Variants in ADAMTS9 observed in about 807,000 individuals in gnomAD.
The protein encoded by ADAMTS9 is A disintegrin and metalloproteinase with thrombospondin motifs 9.
Under a neutral mutation model 257.1 loss-of-function variants are expected in ADAMTS9, and 107 were observed. The ratio of observed to expected loss-of-function variants is 0.42; its 90% CI spans 0.36 to 0.49. The LOEUF is 0.49. ADAMTS9 is among the 20% of genes least tolerant of loss of function. The pLI, the probability that ADAMTS9 is intolerant of heterozygous loss-of-function variation, is 0.03. For missense variants in ADAMTS9, 2,353 were observed against 2,469.1 expected (o/e 0.95, Z 1.00); for synonymous variants, 982 against 880.9 (o/e 1.11, Z -2.03).
At chr3:64,633,425 G>A (rs1700416734) in intron 14 of ADAMTS9, 47 bp downstream of exon 14, 1 of 1,607,730 alleles carries the variant, frequency 6.2e-7, no homozygotes, top group Admixed American at 1.7e-5. Flanking sequence ...CAAATCACAG[G>A]TTGGCAGCGG....
chr3:64,596,748 C>T (rs1161692038), intron 27 of ADAMTS9, 82 bp downstream of exon 27: 1 of 1,541,904 alleles, frequency 6.5e-7, no homozygotes, highest in Non-Finnish European at 8.8e-7. Flanking sequence ...TAGTTCTTCT[C>T]CTTGAAAATA....
chr3:64,601,866 A>G (rs1293758215), intron 26 of ADAMTS9, 78 bp downstream of exon 26: 11 of 1,485,416 alleles, frequency 7.4e-6, no homozygotes, highest in Non-Finnish European at 9.0e-6. Flanking sequence ...AATATGCTCT[A>G]AAGGTGTTTC....
chr3:64,579,153 T>G (rs113109965), intron 28 of ADAMTS9, among the ~76,000 whole-genome samples: 8 of 152,316 alleles, frequency 5.3e-5, no homozygotes, highest in African/African-American at 1.7e-4. Context: ...TCCCTCAGTT[T>G]CATCTGTAAT....
intron 11 of ADAMTS9, among the ~76,000 whole-genome samples, chr3:64,647,614 A>G (rs1278490402): frequency 6.6e-6 from 1 of 152,222 alleles, no homozygotes; most frequent in Admixed American, 6.5e-5. Flanking sequence ...AAAGAGAAGA[A>G]AAAGAAACAC....
chr3:64,552,825 G>A, intron 30 of ADAMTS9, among the ~76,000 whole-genome samples: 1 of 152,100 alleles, frequency 6.6e-6, no homozygotes, highest in East Asian at 1.9e-4. Context: ...CCAAAGTTCT[G>A]GGATTACAGG....
chr3:64,656,637 G>A (rs7646362), intron 4 of ADAMTS9, among the ~76,000 whole-genome samples: 36,566 of 151,986 alleles, frequency 0.24, 4,714 homozygotes, highest in Non-Finnish European at 0.29. Context: ...ATTCTTAGGA[G>A]AGAACTGAAA....
intron 35 of ADAMTS9, 24 bp from the exon 36 acceptor site, chr3:64,541,252 G>A (rs775039020): frequency 2.5e-6 from 4 of 1,614,082 alleles, no homozygotes; most frequent in Non-Finnish European, 3.4e-6. Flanking sequence ...AGAATGTTCT[G>A]GTAAGGATGG....
At chr3:64,682,335 C>G (rs1055544175) in intron 2 of ADAMTS9, among the ~76,000 whole-genome samples, 2 of 152,178 alleles carry the variant, frequency 1.3e-5, no homozygotes, top group East Asian at 3.9e-4. Context: ...AACTCGTGAA[C>G]GGTTTTTGGT....
rs575152092 is a variant in ADAMTS9, at chr3:64,601,736, A to G, written c.4017+208T>C. On this transcript the variant is annotated intron_variant, in intron 26 of 39. Transcript: ENST00000498707. Reference sequence around the variant, plus strand: ...CCATGATATCCCCTTTCTCCACCCAATCGAGACAGCTTATAGGTGGACGCA... The same window carrying G: ...CCATGATATCCCCTTTCTCCACCCAGTCGAGACAGCTTATAGGTGGACGCA... Among the ~76,000 whole-genome samples, 3 of 152,186 alleles carry G rather than the reference A, an allele frequency of 2.0e-5. No individual in the cohort carries two copies. In the South Asian group the frequency reaches 6.2e-4, roughly 32 times the overall value.
rs553764371 is a variant in ADAMTS9, at chr3:64,645,353, T to C, written c.1710+2587A>G. Among the ~76,000 whole-genome samples, 19 of 152,292 alleles carry C rather than the reference T, an allele frequency of 1.2e-4. 1 individual carries two copies. In the South Asian group the frequency reaches 3.7e-3, roughly 30 times the overall value. ...ACAAATAAGTTTAAAAGGAAAATGC[T>C]AATGGACTTAAGAGAGTGGAGAAAA... On this transcript the variant is annotated intron_variant, in intron 11 of 39. Coordinates refer to ENST00000498707, the MANE Select transcript of ADAMTS9 (RefSeq NM_182920.2).
At position 64,602,196 on chromosome 3, in the gene ADAMTS9, C is replaced by A. The variant is rs2084476168; in HGVS notation, c.3765G>T (p.Gly1255=). The A allele has an allele frequency of 1.9e-6, 3 of 1,613,802 alleles. No individual in the cohort carries two copies. The highest frequency in any genetic ancestry group is 2.5e-6 in the Non-Finnish European group (3 of 1,179,952). The change falls in exon 26 of 40, where the codon GGG becomes GGT. Residue 1255 remains glycine (G), a synonymous_variant. Transcript: ENST00000498707. ...TCACTTGCCGGGTTGCCCTACCTTG[C>A]CCACAGGTCACAGAGCACTAGGTTG... ...LDWSSCSVTC[G]QGRATRQVMC...
Position 64,541,590 on chromosome 3 carries a change from T to C in ADAMTS9, c.5228A>G (p.Lys1743Arg), listed in dbSNP as rs1241489495. 6.2e-7 allele frequency: 1 copy of C among 1,614,108 alleles called. No individual in the cohort carries two copies. Among genetic ancestry groups the C allele is most frequent in the Non-Finnish European group, 8.5e-7 (1 of 1,180,004 alleles). Residue 1743 changes from lysine (K) to arginine (R), a missense_variant, in exon 34 of 40, where the codon AAA becomes AGA. Physicochemically the swap from Lys to Arg is conservative, Grantham distance 26 (BLOSUM62 2). Around this residue, in one of 3 missense-constraint regions of ADAMTS9, gnomAD observed 1,402 missense variants for 1,441.4 expected, o/e 0.97. Transcript: ENST00000498707. ...ATCTTCACTGGCACCTTTAAGTCTT[T>C]TTACCTCCTTGCAATTCTGGGGTAA... ...CELPQNCKEV[K>R]RLKGASEDGE... is the part of the protein sequence containing the mutation.
Position 64,546,901 on chromosome 3 carries a change from C to T in ADAMTS9, c.4921G>A (p.Glu1641Lys), listed in dbSNP as rs1032015412. 6.2e-7 allele frequency: 1 copy of T among 1,613,904 alleles called. No homozygotes were observed. Residue 1641 changes from glutamate to lysine, a missense_variant, in exon 32 of 40, where the codon GAG becomes AAG. By Grantham distance (56) the Glu-to-Lys change is moderately conservative. This residue lies in a region of ADAMTS9 where 1,402 missense variants were observed against 1,441.4 expected (regional missense o/e 0.97). Coordinates refer to ENST00000498707, the MANE Select transcript of ADAMTS9 (RefSeq NM_182920.2). ...TAATTCTCCTTCCCGGTGTAAATCT[C>T]GCTGCACGAGACAAGCCTTTGTTTG... ...GYKQRLVSCS[E>K]IYTGKENYEY...
intron 27 of ADAMTS9, among the ~76,000 whole-genome samples, chr3:64,595,026 A>T (rs1476343257): frequency 1.3e-5 from 2 of 152,134 alleles, no homozygotes; most frequent in Admixed American, 1.3e-4. Context: ...TGAGCTCATG[A>T]TCCTCCCACC....
intron 27 of ADAMTS9, among the ~76,000 whole-genome samples, chr3:64,595,715 G>A (rs1336043168): frequency 6.6e-6 from 1 of 152,294 alleles, no homozygotes; most frequent in Non-Finnish European, 1.5e-5. Context: ...TAGGTTATAT[G>A]GCTGAAACCA....
chr3:64,647,828 A>T lies in ADAMTS9; in HGVS notation c.1710+112T>A, dbSNP rs12715589. 0.53 allele frequency: 464,000 copies of T among 875,406 alleles called. 127,110 individuals are homozygous for T. Among genetic ancestry groups the T allele is most frequent in the East Asian group, 0.89 (33,420 of 37,384 alleles). 54.2% of individuals were successfully genotyped at this position (875,406 alleles called of 1,614,324 possible). A position where few individuals can be genotyped will look rare whatever the true frequency, so the allele number is the denominator to read the frequency against. On this transcript the variant is annotated intron_variant, in intron 11 of 39. Transcript: ENST00000498707. ...TCTGTCCTCTAAAAAATATTATGCA[A>T]GCTAAAACAGACTGCATTGTCTTAT...
At chr3:64,682,156 C>G (rs543108542) in intron 2 of ADAMTS9, among the ~76,000 whole-genome samples, 4 of 152,180 alleles carry the variant, frequency 2.6e-5, no homozygotes, top group Non-Finnish European at 4.4e-5. Context: ...AATTTCAGCA[C>G]CAGCACCTAC....
At chr3:64,603,845 C>G (rs1348997607) in intron 25 of ADAMTS9, 77 bp downstream of exon 25, 29 of 1,466,354 alleles carry the variant, frequency 2.0e-5, no homozygotes, top group Non-Finnish European at 1.3e-5. Context: ...TTCCAAGTGG[C>G]GCCCCCCTCC....
chr3:64,605,108 G>C (rs761757770), intron 23 of ADAMTS9, among the ~76,000 whole-genome samples: 11 of 152,188 alleles, frequency 7.2e-5, no homozygotes, highest in Non-Finnish European at 1.5e-4. Flanking sequence ...TCTATGTGTG[G>C]AATGTGAAAT....
Sources: allele counts gnomAD v4.1 joint callset (sites outside exome capture counted in the v4.1 genomes callset), GRCh38; gene constraint gnomAD v4.1.1; regional missense constraint gnomAD v4.1.1; transcripts MANE v1.5; gene names NCBI Gene and HGNC (gene_info 2026-07-23, HGNC 2026-07-21).